The following SDK1 variants were observed in gnomAD, a reference collection of about 807,000 sequenced individuals.
SDK1 encodes the protein protein sidekick-1.
In SDK1, 157 loss-of-function variants were observed where a neutral mutation model predicts 245.5. The observed-to-expected ratio is 0.64, with a 90% CI of 0.56 to 0.73. SDK1 has a LOEUF of 0.73. SDK1 is among the 30% of genes least tolerant of loss of function. The pLI is 0.00. For synonymous variants in SDK1, 1,647 were observed against 1,278.5 expected, an observed-to-expected ratio of 1.29 and a Z score of -6.15; for missense variants, 3,583 against 3,002.3, an observed-to-expected ratio of 1.19 and a Z score of -4.52.
intron 5 of SDK1, among the ~76,000 whole-genome samples, chr7:3,833,779 G>T (rs1779968971): frequency 6.6e-6 from 1 of 152,154 alleles, no homozygotes; most frequent in African/African-American, 2.4e-5. Context: ...TTGTTTCTTT[G>T]TTCATTTTAC....
intron 41 of SDK1, among the ~76,000 whole-genome samples, chr7:4,234,133 C>A (rs910800272): frequency 3.9e-5 from 6 of 152,212 alleles, no homozygotes; most frequent in African/African-American, 1.4e-4. Context: ...TTCCTGGGAC[C>A]TCCCAGAAAG....
At chr7:3,829,886 G>T (rs904697560) in intron 5 of SDK1, among the ~76,000 whole-genome samples, 2 of 152,198 alleles carry the variant, frequency 1.3e-5, no homozygotes, top group East Asian at 1.9e-4. Context: ...AGTGAGGCAC[G>T]TTTGGGCGGA....
intron 4 of SDK1, among the ~76,000 whole-genome samples, chr7:3,758,664 C>A (rs1438447763): frequency 6.6e-6 from 1 of 152,134 alleles, no homozygotes; most frequent in East Asian, 1.9e-4. Flanking sequence ...GATCCTCCAG[C>A]CTTGTTCTGT....
At chr7:3,958,860 A>G (rs930892384) in intron 7 of SDK1, 71 bp from the exon 8 acceptor site, 32 of 1,196,150 alleles carry the variant, frequency 2.7e-5, no homozygotes, top group African/African-American at 6.1e-5. Flanking sequence ...AGCCCACACT[A>G]TCTTAGGTTA....
At chr7:4,076,429 G>T (rs534165635) in intron 20 of SDK1, among the ~76,000 whole-genome samples, 1 of 152,262 alleles carries the variant, frequency 6.6e-6, no homozygotes, top group African/African-American at 2.4e-5. Context: ...GGTGGTTCAC[G>T]CCTGTGGTCC....
chr7:3,537,356 C>T (rs1010906278), intron 1 of SDK1, among the ~76,000 whole-genome samples: 4 of 152,198 alleles, frequency 2.6e-5, no homozygotes, highest in African/African-American at 9.7e-5. Context: ...CTGGGAAGTG[C>T]TAGAGCCAGG....
In SDK1 at chr7:4,051,827, G is replaced by C; in HGVS notation, c.2908G>C (p.Asp970His). 6.2e-7 allele frequency: 1 copy of C among 1,607,910 alleles called. No individual in the cohort carries two copies. The highest frequency in any genetic ancestry group is 1.1e-5 in the South Asian group (1 of 90,558). ...STPQLVWTQEDKPGAVGHLSF... is the reference protein window; with the variant it reads ...STPQLVWTQEHKPGAVGHLSF... ...ACCTCAGCTGGTCTGGACTCAGGAAGACAGTGAGTATTCCTTTCTGCGTGT... is the reference window on the plus strand; with the variant it reads ...ACCTCAGCTGGTCTGGACTCAGGAACACAGTGAGTATTCCTTTCTGCGTGT... The change falls in exon 19 of 45, where the codon GAC becomes CAC. Residue 970 changes from aspartate (D) to histidine (H), a missense_variant. Transcript: ENST00000404826.
intron 5 of SDK1, among the ~76,000 whole-genome samples, chr7:3,941,631 C>T (rs1048969534): frequency 1.3e-5 from 2 of 152,170 alleles, no homozygotes; most frequent in Admixed American, 6.5e-5. Context: ...AAGAACTGAC[C>T]TCAACGCCAC....
chr7:3,410,198 T>G (rs1256947966), intron 1 of SDK1, among the ~76,000 whole-genome samples: 1 of 152,188 alleles, frequency 6.6e-6, no homozygotes, highest in African/African-American at 2.4e-5. Context: ...TGAAACATTT[T>G]GAGCACTGAC....
chr7:3,989,855 C>T (rs755346869), intron 14 of SDK1, among the ~76,000 whole-genome samples: 14 of 152,222 alleles, frequency 9.2e-5, no homozygotes, highest in Non-Finnish European at 1.9e-4. Flanking sequence ...ACCACAGCCA[C>T]ACAGTTTAAT....
chr7:3,504,180 A>ATGTGTGTGTGTGTGTGTGTGTGTGTGTG (rs1338465819), intron 1 of SDK1, among the ~76,000 whole-genome samples: 3 of 89,434 alleles, frequency 3.4e-5, no homozygotes, highest in Admixed American at 1.4e-4. Context: ...ATATATATAT[A>ATGTGTGTGTGTGTGTGTGTGTGTGTGTG]TATGTGTGTG....
Position 4,077,123 on chromosome 7 carries a change from G to A in SDK1, c.3136G>A (p.Ala1046Thr). 6.2e-7 allele frequency: 1 copy of A among 1,614,220 alleles called. No individual in the cohort carries two copies. The highest frequency in any genetic ancestry group is 8.5e-7 in the Non-Finnish European group (1 of 1,180,048). ...TCTCACCACCTACACCATCGACGTG[G>A]CCGCTGTGACTGCCGTGGGCACTGG... ...SSLTTYTIDV[A>T]AVTAVGTGLV... The change falls in exon 21 of 45, where the codon GCC (alanine) becomes ACC (threonine). Residue 1046 changes from alanine (A) to threonine (T), a missense_variant. Ala to Thr is a moderately conservative substitution (Grantham distance 58). Coordinates refer to ENST00000404826, the MANE Select transcript of SDK1 (RefSeq NM_152744.4).
At chr7:3,870,243 T>C (rs2057919) in intron 5 of SDK1, among the ~76,000 whole-genome samples, 39,815 of 152,064 alleles carry the variant, frequency 0.26, 6,423 homozygotes, top group African/African-American at 0.46. Context: ...ACTTAATTTT[T>C]TCATTCTATA....
chr7:4,072,789 A>C (rs1026745181), intron 20 of SDK1, among the ~76,000 whole-genome samples: 1 of 152,126 alleles, frequency 6.6e-6, no homozygotes, highest in Non-Finnish European at 1.5e-5. Flanking sequence ...TACGGGCCAG[A>C]GGCGCTGTTG....
intron 17 of SDK1, among the ~76,000 whole-genome samples, chr7:4,036,817 T>G (rs1463556128): frequency 1.3e-5 from 2 of 152,166 alleles, no homozygotes; most frequent in Admixed American, 1.3e-4. Context: ...TCTGCCTCAG[T>G]CTTGGCCATC....
intron 38 of SDK1, among the ~76,000 whole-genome samples, chr7:4,212,725 A>G (rs1432291306): frequency 6.6e-6 from 1 of 152,226 alleles, no homozygotes; most frequent in African/African-American, 2.4e-5. Context: ...CACGGGTTCC[A>G]TGAGCCTGTG....
rs771752053 is a variant in SDK1, at chr7:4,220,109, G to T, written c.5540G>T (p.Gly1847Val). Residue 1847 changes from glycine to valine, a missense_variant and splice_region_variant, in exon 39 of 45, where the codon GGG becomes GTG. Transcript: ENST00000404826. ...TTTCCTTTGCTTCTGGCGGCTGCAG[G>T]GGTGAGCAAGGTGGTGACCGTGGAA... ...VVYEPLAPVQ[G>V]VSKVVTVEVR... The T allele has an allele frequency of 1.2e-6, 2 of 1,613,162 alleles. No individual in the cohort carries two copies. The highest frequency in any genetic ancestry group is 1.7e-5 in the Admixed American group (1 of 59,964).
At chr7:3,599,189 A>G (rs1043547399) in intron 1 of SDK1, among the ~76,000 whole-genome samples, 29 of 141,776 alleles carry the variant, frequency 2.0e-4, no homozygotes, top group Non-Finnish European at 1.5e-5. Flanking sequence ...GTGATATCTC[A>G]TGGTGGTTTA....
At chr7:3,628,685 C>A (rs961273701) in intron 2 of SDK1, among the ~76,000 whole-genome samples, 3 of 152,154 alleles carry the variant, frequency 2.0e-5, no homozygotes, top group Admixed American at 1.3e-4. Flanking sequence ...AAACTGGCAA[C>A]CTGGGTCAAG....
Sources: allele counts gnomAD v4.1 joint callset (sites outside exome capture counted in the v4.1 genomes callset), GRCh38; gene constraint gnomAD v4.1.1; transcripts MANE v1.5; gene names NCBI Gene and HGNC (gene_info 2026-07-23, HGNC 2026-07-21).